The following LMTK2 variants were observed in gnomAD, a reference collection of about 807,000 sequenced individuals.
LMTK2 encodes lemur tail kinase 2, also known as serine/threonine-protein kinase LMTK2.
LMTK2 carries 37 observed loss-of-function variants against 127.5 expected under a neutral mutation model. That is an observed-to-expected ratio of 0.29 (90% CI 0.22 to 0.38). The LOEUF (loss-of-function observed/expected upper bound fraction) is 0.38, where lower values mean the gene tolerates loss of function less well. Among genes scored for constraint, LMTK2 ranks in the 10% least tolerant of loss-of-function variants. The pLI is 1.00. For synonymous variants in LMTK2, 819 were observed against 810.1 expected (o/e 1.01, Z -0.19); for missense variants, 1,694 against 1,920.3 (o/e 0.88, Z 2.20).
chr7:98,198,700 G>A (rs936222177), intron 11 of LMTK2, among the ~76,000 whole-genome samples: 1 of 152,080 alleles, frequency 6.6e-6, no homozygotes, highest in East Asian at 1.9e-4. Flanking sequence ...GGCTGGTCTC[G>A]AATTCCTGAG....
chr7:98,205,757 G>T lies in LMTK2; in HGVS notation c.*265G>T, dbSNP rs1797784981. 1 of 555,820 alleles carries T rather than the reference G, an allele frequency of 1.8e-6. No homozygotes were observed. Among genetic ancestry groups the T allele is most frequent in the Non-Finnish European group, 3.2e-6 (1 of 308,294 alleles). The allele number at this position is 555,820 out of a possible 1,614,324, so 34.4% of individuals were successfully genotyped here. On this transcript the variant is annotated 3_prime_UTR_variant, in exon 14 of 14. Coordinates refer to ENST00000297293, the MANE Select transcript of LMTK2 (RefSeq NM_014916.4). ...CCGCGGCCTCCCAGGCAGTGCTCATGCGCTGGCCGTCGGGGGAGGCAGGGG... is the reference window on the plus strand; with the variant it reads ...CCGCGGCCTCCCAGGCAGTGCTCATTCGCTGGCCGTCGGGGGAGGCAGGGG...
chr7:98,126,413 T>C (rs1796444680), intron 1 of LMTK2, among the ~76,000 whole-genome samples: 1 of 152,206 alleles, frequency 6.6e-6, no homozygotes. Flanking sequence ...TTCCCGTTCC[T>C]GCATCGGCTT....
rs114076791 is a variant in LMTK2 at position 98,152,355 on chromosome 7, G to C, written c.450+900G>C. On this transcript the variant is annotated intron_variant, in intron 4 of 13. Coordinates refer to ENST00000297293, the MANE Select transcript of LMTK2 (RefSeq NM_014916.4). ...ATCGTAAGCAGGATGCTTACAACAG[G>C]AGGATGCACTTCCCAGTAGTCAGCC... 6.7e-3 allele frequency among the ~76,000 whole-genome samples: 1,025 copies of C among 152,316 alleles called. 10 individuals carry two copies. The highest frequency in any genetic ancestry group is 0.027 in the Middle Eastern group (8 of 294).
chr7:98,150,906 G>A (rs377749530), intron 3 of LMTK2, among the ~76,000 whole-genome samples: 15 of 152,254 alleles, frequency 9.9e-5, no homozygotes, highest in African/African-American at 9.6e-5. Context: ...GAGATGTTCC[G>A]TATTTTATTT....
At chr7:98,134,745 A>G (rs1019409494) in intron 1 of LMTK2, among the ~76,000 whole-genome samples, 1 of 152,094 alleles carries the variant, frequency 6.6e-6, no homozygotes, top group Non-Finnish European at 1.5e-5. Flanking sequence ...GGAGGAAGAG[A>G]AGAAAATCAT....
chr7:98,119,719 G>T (rs953215186), intron 1 of LMTK2, among the ~76,000 whole-genome samples: 3 of 152,274 alleles, frequency 2.0e-5, no homozygotes, highest in Admixed American at 6.5e-5. Flanking sequence ...CAGGTGACTC[G>T]TAGGGAAATT....
rs958010936 is a variant in LMTK2 at position 98,204,216 on chromosome 7, A to C, written c.4483+30A>C. Reference sequence around the variant, plus strand: ...GAGGCGCTGCGTGCTGGGGATTGGGAGTGCAGGGTCGGGGGTGGGGCGCTG... The same window carrying C: ...GAGGCGCTGCGTGCTGGGGATTGGGCGTGCAGGGTCGGGGGTGGGGCGCTG... On this transcript the variant is annotated intron_variant, in intron 13 of 13. Transcript: ENST00000297293. 5.6e-6 allele frequency: 6 copies of C among 1,071,542 alleles called. No individual in the cohort carries two copies. The African/African-American group carries it at 9.4e-5, about 17-fold the overall frequency. The allele number at this position is 1,071,542 out of a possible 1,614,324, so 66.4% of individuals were successfully genotyped here.
chr7:98,144,099 A>G (rs1373975685), intron 3 of LMTK2, among the ~76,000 whole-genome samples: 2 of 152,100 alleles, frequency 1.3e-5, no homozygotes, highest in Non-Finnish European at 2.9e-5. Context: ...CATAGATAAT[A>G]TATTCACTTG....
intron 9 of LMTK2, among the ~76,000 whole-genome samples, chr7:98,188,537 A>G (rs1381932905): frequency 6.6e-6 from 1 of 152,156 alleles, no homozygotes; most frequent in African/African-American, 2.4e-5. Flanking sequence ...GCCCCAAGCA[A>G]TCCTCATGCC....
Position 98,165,971 on chromosome 7 carries a change from G to T in LMTK2, c.658-5570G>T, listed in dbSNP as rs1041184091. 1.1e-4 allele frequency among the ~76,000 whole-genome samples: 16 copies of T among 152,244 alleles called. No individual in the cohort carries two copies. In the East Asian group the frequency reaches 2.9e-3, roughly 28 times the overall value. ...AGGTGTGGGGGTGATTGGGTCGGGG[G>T]TACGTTCCCAGTCCCTGCGTCTGCC... On this transcript the variant is annotated intron_variant, in intron 6 of 13. Transcript: ENST00000297293.
chr7:98,189,311 C>A (rs906592883), intron 9 of LMTK2, among the ~76,000 whole-genome samples: 1 of 152,096 alleles, frequency 6.6e-6, no homozygotes, highest in African/African-American at 2.4e-5. Context: ...GGAGGCCAGG[C>A]GTTTCCTTCC....
rs397948033 is a variant in LMTK2 at position 98,172,302 on chromosome 7, CTTTTTTTTTTT to C, written c.791+638_791+648del. On this transcript the variant is annotated intron_variant, in intron 7 of 13. Transcript: ENST00000297293. ...AGGCCCCACTTGAATGACCATAGTT[CTTTTTTTTTTT>C]TTTTTTTTTGAGACGGAGTCTTGCT... 3.1e-5 allele frequency among the ~76,000 whole-genome samples: 4 copies of C among 127,838 alleles called. 1 individual carries two copies. The South Asian group carries it at 7.6e-4, about 24-fold the overall frequency. The allele number at this position is 127,838 out of a possible 152,430, so 83.9% of individuals were successfully genotyped here.
At position 98,194,178 on chromosome 7, in the gene LMTK2, A is replaced by T; in HGVS notation, c.3713A>T (p.Tyr1238Phe). 1 of 1,613,922 alleles carries T rather than the reference A, an allele frequency of 6.2e-7. No individual in the cohort carries two copies. The highest frequency in any genetic ancestry group is 8.5e-7 in the Non-Finnish European group (1 of 1,179,994). The change falls in exon 11 of 14, where the codon TAC (tyrosine) becomes TTC (phenylalanine). Residue 1238 changes from tyrosine to phenylalanine, a missense_variant. Coordinates refer to ENST00000297293, the MANE Select transcript of LMTK2 (RefSeq NM_014916.4). The surrounding 1 kb of genome is among the most constrained non-coding windows in gnomAD (Gnocchi z 5.4). The stretch of plus-strand genomic sequence containing the variant: ...ACCAACACGAACGAACTCCTTGCCT[A>T]CACCAATTCTGCGCTGGACAAGTCC... ...TGTNTNELLA[Y>F]TNSALDKSLS...
In LMTK2 at chr7:98,194,604, A is replaced by G; in HGVS notation, c.4107+32A>G. 7 of 1,545,934 alleles carry G rather than the reference A, an allele frequency of 4.5e-6. No homozygotes were observed. The highest frequency in any genetic ancestry group is 6.1e-6 in the Non-Finnish European group (7 of 1,145,998). On this transcript the variant is annotated intron_variant, in intron 11 of 13. Coordinates refer to ENST00000297293, the MANE Select transcript of LMTK2 (RefSeq NM_014916.4). The surrounding 1 kb of genome is among the most constrained non-coding windows in gnomAD (Gnocchi z 5.4). ...GTTCCCTCTAAATCATTTTCTATAC[A>G]CATCCATATAAGGATTCCAAAATGT...
chr7:98,158,042 T>C lies in LMTK2; in HGVS notation c.570-1296T>C, dbSNP rs533992357. On this transcript the variant is annotated intron_variant, in intron 5 of 13. Transcript: ENST00000297293. The stretch of plus-strand genomic sequence containing the variant: ...GGGTGAAGGGTATACCAGGCCTCTC[T>C]CTGCTGTCTTTGCAACTCCTGTGAG... 1.2e-4 allele frequency among the ~76,000 whole-genome samples: 19 copies of C among 152,354 alleles called. No homozygotes were observed. The South Asian group carries it at 3.9e-3, about 32-fold the overall frequency.
At chr7:98,169,584 AATTTCATTACC>A (rs1166587815) in intron 6 of LMTK2, among the ~76,000 whole-genome samples, 1 of 152,158 alleles carries the variant, frequency 6.6e-6, no homozygotes, top group African/African-American at 2.4e-5. Flanking sequence ...TAGGCAGAAG[AATTTCATTACC>A]ATTTCATTGG....
At position 98,134,153 on chromosome 7, in the gene LMTK2, A is replaced by G. The variant is rs73710378; in HGVS notation, c.104-3162A>G. Among the ~76,000 whole-genome samples the G allele has an allele frequency of 2.0e-3, 304 of 152,324 alleles. 3 individuals carry two copies. Among genetic ancestry groups the G allele is most frequent in the African/African-American group, 6.9e-3 (288 of 41,570 alleles). Reference sequence around the variant, plus strand: ...CTGTCCCACCTGGGTTCATGGGCATATCAGTTTCTTCATCTGTGACGTGGA... The same window carrying G: ...CTGTCCCACCTGGGTTCATGGGCATGTCAGTTTCTTCATCTGTGACGTGGA... On this transcript the variant is annotated intron_variant, in intron 1 of 13. Coordinates refer to ENST00000297293, the MANE Select transcript of LMTK2 (RefSeq NM_014916.4).
At position 98,193,770 on chromosome 7, in the gene LMTK2, ACT is replaced by A; in HGVS notation, c.3308_3309del (p.Ser1103CysfsTer7). ...GCTGGCTCCCAGGGTTCATACCGAG[ACT>A]CTGCGTACTTCTCAGACAATGACTC... On this transcript the variant is annotated frameshift_variant, in exon 11 of 14. Transcript: ENST00000297293. LOFTEE classifies it high-confidence loss of function. The surrounding 1 kb of genome is among the most constrained non-coding windows in gnomAD (Gnocchi z 4.1). 2 of 1,613,552 alleles carry A rather than the reference ACT, an allele frequency of 1.2e-6. No homozygotes were observed. The highest frequency in any genetic ancestry group is 1.7e-6 in the Non-Finnish European group (2 of 1,179,904).
intron 7 of LMTK2, among the ~76,000 whole-genome samples, chr7:98,179,280 C>T (rs1375409215): frequency 1.3e-5 from 2 of 152,242 alleles, no homozygotes; most frequent in African/African-American, 4.8e-5. Flanking sequence ...CAGGAAATGC[C>T]TGAGCTCGAC....
Sources: allele counts gnomAD v4.1 joint callset (sites outside exome capture counted in the v4.1 genomes callset), GRCh38; gene constraint gnomAD v4.1.1; non-coding constraint Gnocchi (gnomAD v3.1); transcripts MANE v1.5; gene names NCBI Gene and HGNC (gene_info 2026-07-23, HGNC 2026-07-21).